Variants in RNASET2 observed in about 807,000 individuals in gnomAD.
RNASET2 encodes ribonuclease 6.
RNASET2 carries 28 observed loss-of-function variants against 33.9 expected under a neutral mutation model. That is an observed-to-expected ratio of 0.83 (90% CI 0.61 to 1.13). The LOEUF (loss-of-function observed/expected upper bound fraction) is 1.13, where lower values mean the gene tolerates loss of function less well. RNASET2 is among the 50% of genes most tolerant of loss of function. RNASET2 has a pLI of 0.00. For missense variants in RNASET2, 330 were observed against 319.9 expected, an observed-to-expected ratio of 1.03 and a Z score of -0.24; for synonymous variants, 123 against 121.0, an observed-to-expected ratio of 1.02 and a Z score of -0.11.
At chr6:166,948,115 G>A (rs894733581) in intron 3 of RNASET2, among the ~76,000 whole-genome samples, 1 of 152,162 alleles carries the variant, frequency 6.6e-6, no homozygotes, top group African/African-American at 2.4e-5. Context: ...GGAGGCCAAG[G>A]TGGATGGATC....
At chr6:166,930,038 A>G (rs544914876) in intron 8 of RNASET2, among the ~76,000 whole-genome samples, 2 of 152,298 alleles carry the variant, frequency 1.3e-5, no homozygotes, top group Admixed American at 1.3e-4. Context: ...TCCCCTGGTC[A>G]CCACCAGAGG....
chr6:166,948,013 G>C (rs185073436), intron 3 of RNASET2, among the ~76,000 whole-genome samples: 11 of 152,224 alleles, frequency 7.2e-5, no homozygotes, highest in Non-Finnish European at 1.3e-4. Flanking sequence ...AAAATGTAGT[G>C]ACCCTGACAT....
At chr6:166,947,935 C>T (rs1302633117) in intron 3 of RNASET2, among the ~76,000 whole-genome samples, 4 of 152,108 alleles carry the variant, frequency 2.6e-5, no homozygotes, top group Admixed American at 6.5e-5. Context: ...GTGTACGAGA[C>T]GTGCATTTAT....
intron 5 of RNASET2, among the ~76,000 whole-genome samples, chr6:166,939,660 G>GCA (rs1216101747): frequency 6.6e-6 from 1 of 152,166 alleles, no homozygotes; most frequent in Non-Finnish European, 1.5e-5. Flanking sequence ...TCGCAGAGTG[G>GCA]CACAAACTGT....
chr6:166,928,272 C>T lies in RNASET2; in HGVS notation c.*1316G>A, dbSNP rs925921492. On this transcript the variant is annotated 3_prime_UTR_variant, in exon 9 of 9. Coordinates refer to ENST00000508775, the MANE Select transcript of RNASET2 (RefSeq NM_003730.6). The stretch of plus-strand genomic sequence containing the variant: ...TGAGTCTAGGATCAGGACTGCGACA[C>T]CTACTTTCTCACCGTCCCATCTGCC... Among the ~76,000 whole-genome samples the T allele has an allele frequency of 5.9e-5, 9 of 152,216 alleles. No individual in the cohort carries two copies. Among genetic ancestry groups the T allele is most frequent in the African/African-American group, 2.2e-4 (9 of 41,460 alleles).
chr6:166,950,365 G>A (rs1263700600), intron 2 of RNASET2, among the ~76,000 whole-genome samples: 2 of 152,178 alleles, frequency 1.3e-5, no homozygotes, highest in South Asian at 2.1e-4. Flanking sequence ...CAGCAGGAGC[G>A]CAACATTAAG....
intron 5 of RNASET2, among the ~76,000 whole-genome samples, 176 bp from the exon 6 acceptor site, chr6:166,939,184 A>C (rs992312805): frequency 6.6e-6 from 1 of 152,200 alleles, no homozygotes; most frequent in Non-Finnish European, 1.5e-5. Flanking sequence ...ATACAAAAAA[A>C]TTAGCCGAGT....
rs201243925 is a variant in RNASET2, at chr6:166,938,857, C to T, written c.446+38G>A. ...TCAGGCTTGGGCGACAGCAGAGATC[C>T]CCACTGGGAAGTGCAGCCGGGGGAA... On this transcript the variant is annotated intron_variant, in intron 6 of 8. Coordinates refer to ENST00000508775, the MANE Select transcript of RNASET2 (RefSeq NM_003730.6). 2,006 of 1,441,190 alleles carry T rather than the reference C, an allele frequency of 1.4e-3. 14 individuals are homozygous for T. Among genetic ancestry groups the T allele is most frequent in the Non-Finnish European group, 1.1e-3 (1,119 of 1,022,038 alleles). 89.3% of individuals were successfully genotyped at this position (1,441,190 alleles called of 1,614,324 possible).
rs1249739106 is a variant in RNASET2 at position 166,923,575 on chromosome 6, T to G, written c.*6013A>C. 6.6e-6 allele frequency among the ~76,000 whole-genome samples: 1 copy of G among 152,074 alleles called. No homozygotes were observed. The highest frequency in any genetic ancestry group is 6.6e-5 in the Admixed American group (1 of 15,266). On this transcript the variant is annotated 3_prime_UTR_variant, in exon 9 of 9. Transcript: ENST00000508775. ...AGCCTAAAATGCTAATTCTGTCTTT[T>G]TTGTCTAAAATAAATGGAAGGCCCA...
rs1178065426 is a variant in RNASET2, at chr6:166,924,753, G to C, written c.*4835C>G. Among the ~76,000 whole-genome samples the C allele has an allele frequency of 6.6e-6, 1 of 152,138 alleles. No individual in the cohort carries two copies. Among genetic ancestry groups the C allele is most frequent in the Non-Finnish European group, 1.5e-5 (1 of 68,032 alleles). On this transcript the variant is annotated 3_prime_UTR_variant, in exon 9 of 9. Transcript: ENST00000508775. Reference sequence around the variant, plus strand: ...GGATCACCCGAGGTCGGGAGTTTGAGACCAGCGTGACCAACATGGAGAAAA... The same window carrying C: ...GGATCACCCGAGGTCGGGAGTTTGACACCAGCGTGACCAACATGGAGAAAA...
intron 3 of RNASET2, among the ~76,000 whole-genome samples, chr6:166,947,236 G>A (rs1079145): frequency 0.12 from 18,246 of 152,232 alleles, 1,991 homozygotes; most frequent in East Asian, 0.41. Flanking sequence ...GCGTATGGCA[G>A]AAGATCAGCT....
At chr6:166,945,765 G>A (rs1217781188) in intron 4 of RNASET2, among the ~76,000 whole-genome samples, 12 of 151,316 alleles carry the variant, frequency 7.9e-5, no homozygotes, top group African/African-American at 2.2e-4. Context: ...GGGAGGTGGA[G>A]GTTGCAGTGA....
intron 7 of RNASET2, chr6:166,932,604 AC>A (rs1305513935): frequency 1.3e-5 from 2 of 152,298 alleles, no homozygotes; most frequent in African/African-American, 4.8e-5. Context: ...ATGAGTGGAT[AC>A]GTGGCTGGAT....
chr6:166,946,445 G>A (rs1171211695), intron 4 of RNASET2, among the ~76,000 whole-genome samples: 6 of 152,242 alleles, frequency 3.9e-5, no homozygotes, highest in African/African-American at 1.4e-4. Flanking sequence ...CCTCGCTCAG[G>A]CCCCTCATGC....
rs746727044 is a variant in RNASET2 at position 166,922,525 on chromosome 6, A to G, written c.*7063T>C. Among the ~76,000 whole-genome samples the G allele has an allele frequency of 2.0e-5, 3 of 152,238 alleles. No individual in the cohort carries two copies. The highest frequency in any genetic ancestry group is 4.4e-5 in the Non-Finnish European group (3 of 68,046). ...AATCAACCTGAATAGAGTCCACTCAAATGTCTCTTCCCATGGCTGAGTCTA... is the reference window on the plus strand; with the variant it reads ...AATCAACCTGAATAGAGTCCACTCAGATGTCTCTTCCCATGGCTGAGTCTA... On this transcript the variant is annotated 3_prime_UTR_variant, in exon 9 of 9. Coordinates refer to ENST00000508775, the MANE Select transcript of RNASET2 (RefSeq NM_003730.6).
At chr6:166,932,080 C>T (rs1267961216) in intron 7 of RNASET2, 1 of 152,652 alleles carries the variant, frequency 6.6e-6, no homozygotes, top group Non-Finnish European at 1.5e-5. Context: ...GATCATCCTC[C>T]CCTCTTGCCA....
At position 166,954,239 on chromosome 6, in the gene RNASET2, C is replaced by T. The variant is rs141724739; in HGVS notation, c.87-1691G>A. ...TAGAACTTGGGAAAATGCCCGCTGA[C>T]CTATGAAGCCCTCGTGGTCTGAATC... On this transcript the variant is annotated intron_variant, in intron 1 of 8. Transcript: ENST00000508775. Among the ~76,000 whole-genome samples the T allele has an allele frequency of 7.2e-5, 11 of 152,336 alleles. No individual in the cohort carries two copies. The East Asian group carries it at 2.1e-3, about 29-fold the overall frequency.
chr6:166,939,088 C>T (rs1402111842), intron 5 of RNASET2, 80 bp from the exon 6 acceptor site: 1 of 998,264 alleles, frequency 1.0e-6, no homozygotes, highest in Non-Finnish European at 1.6e-6. Flanking sequence ...AATCCCAACA[C>T]TTTGGGAGGC....
At chr6:166,955,209 G>GCA (rs1262797137) in intron 1 of RNASET2, among the ~76,000 whole-genome samples, 2 of 77,872 alleles carry the variant, frequency 2.6e-5, no homozygotes, top group African/African-American at 1.2e-4. Flanking sequence ...ACGCACACAC[G>GCA]CACGCACACA....
Sources: gnomAD v4.1 joint callset for allele counts (sites outside exome capture counted in the v4.1 genomes callset) on GRCh38, gnomAD v4.1.1 for gene constraint, MANE v1.5 for transcripts, NCBI Gene and HGNC (gene_info 2026-07-23, HGNC 2026-07-21) for gene names.